The following METTL15 variants were observed in gnomAD, a reference collection of about 807,000 sequenced individuals.
METTL15 encodes the protein 12S rRNA N(4)-cytidine methyltransferase METTL15.
A neutral mutation model predicts 38.3 loss-of-function variants in METTL15; 34 were observed. The observed-to-expected ratio is 0.89, with a 90% CI of 0.68 to 1.18. The LOEUF is 1.18. METTL15 is among the 50% of genes most tolerant of loss of function. The pLI is 0.00. For missense variants in METTL15, 438 were observed against 498.4 expected, an observed-to-expected ratio of 0.88 and a Z score of 1.15; for synonymous variants, 162 against 170.9, an observed-to-expected ratio of 0.95 and a Z score of 0.41.
chr11:28,421,927 T>C (rs761315116), intron 5 of METTL15, among the ~76,000 whole-genome samples: 11 of 151,998 alleles, frequency 7.2e-5, no homozygotes, highest in South Asian at 2.1e-4. Context: ...TATGATCTTA[T>C]ATTTGGAATA....
chr11:28,117,879 C>T (rs1294041792), intron 3 of METTL15, among the ~76,000 whole-genome samples: 4 of 152,124 alleles, frequency 2.6e-5, no homozygotes, highest in African/African-American at 9.7e-5. Flanking sequence ...GAGCCTTTTC[C>T]CCAAAATCAT....
intron 6 of METTL15, among the ~76,000 whole-genome samples, chr11:28,484,765 G>C (rs903419055): frequency 1.3e-5 from 2 of 152,096 alleles, no homozygotes; most frequent in Admixed American, 1.3e-4. Flanking sequence ...GTTTTGAGTA[G>C]AGCTGTGGGA....
chr11:28,134,611 GT>G (rs1849454178), intron 3 of METTL15: 2 of 398,486 alleles, frequency 5.0e-6, no homozygotes, highest in Non-Finnish European at 8.9e-6. Context: ...AGGAGGCGCT[GT>G]TTTGGAAAAG....
At chr11:28,401,204 T>C (rs1214723910) in intron 5 of METTL15, among the ~76,000 whole-genome samples, 1 of 152,008 alleles carries the variant, frequency 6.6e-6, no homozygotes, top group Non-Finnish European at 1.5e-5. Context: ...AATGCCTAAG[T>C]TAGGGAATTG....
At chr11:28,153,345 CCCTTTACTCCAA>C (rs1850157992) in intron 3 of METTL15, among the ~76,000 whole-genome samples, 1 of 152,134 alleles carries the variant, frequency 6.6e-6, no homozygotes, top group Non-Finnish European at 1.5e-5. Context: ...GCCTCTCCAT[CCCTTTACTCCAA>C]TGGGATTCAA....
At chr11:28,427,161 A>C (rs1850872793) in intron 6 of METTL15, among the ~76,000 whole-genome samples, 1 of 152,192 alleles carries the variant, frequency 6.6e-6, no homozygotes, top group Non-Finnish European at 1.5e-5. Context: ...TTGGCCAGCC[A>C]GTTCTCCAAG....
At chr11:28,115,507 C>A (rs1851903096) in intron 3 of METTL15, among the ~76,000 whole-genome samples, 1 of 152,258 alleles carries the variant, frequency 6.6e-6, no homozygotes, top group Middle Eastern at 3.4e-3. Context: ...ATCCACCCAC[C>A]TTGGCCTCCC....
chr11:28,257,070 C>T (rs920068398), intron 4 of METTL15, among the ~76,000 whole-genome samples: 2 of 152,070 alleles, frequency 1.3e-5, no homozygotes, highest in African/African-American at 2.4e-5. Flanking sequence ...CATTTCTTGT[C>T]GGATGGGTCT....
chr11:28,251,904 C>T (rs916322248), intron 4 of METTL15, among the ~76,000 whole-genome samples: 3 of 152,074 alleles, frequency 2.0e-5, no homozygotes, highest in Non-Finnish European at 2.9e-5. Context: ...CCTTAACTTC[C>T]TTCCTTTTTC....
At chr11:28,404,679 T>G (rs1850659398) in intron 5 of METTL15, among the ~76,000 whole-genome samples, 3 of 151,978 alleles carry the variant, frequency 2.0e-5, no homozygotes, top group African/African-American at 7.3e-5. Flanking sequence ...AAGCTTAGTA[T>G]CCCCAGGTTA....
intron 3 of METTL15, among the ~76,000 whole-genome samples, chr11:28,182,109 G>GT (rs1851313246): frequency 6.6e-6 from 1 of 151,884 alleles, no homozygotes; most frequent in Non-Finnish European, 1.5e-5. Flanking sequence ...GGGGTTGTTT[G>GT]TTTTTTTCTT....
At chr11:28,293,359 T>C (rs1436539444) in intron 5 of METTL15, among the ~76,000 whole-genome samples, 1 of 152,184 alleles carries the variant, frequency 6.6e-6, no homozygotes, top group Non-Finnish European at 1.5e-5. Context: ...AAAGATCAGA[T>C]AGTTGTAGAT....
intron 3 of METTL15, among the ~76,000 whole-genome samples, chr11:28,174,046 C>A (rs2133768084): frequency 6.6e-6 from 1 of 152,164 alleles, no homozygotes; most frequent in Non-Finnish European, 1.5e-5. Flanking sequence ...CTCATTTTTT[C>A]CTTTTGCCAT....
chr11:28,323,241 G>A (rs2134050588), intron 6 of METTL15, among the ~76,000 whole-genome samples: 1 of 151,686 alleles, frequency 6.6e-6, no homozygotes, highest in South Asian at 2.1e-4. Context: ...TAACTTGGAA[G>A]TACAAATGTA....
chr11:28,232,508 A>G (rs570477102), intron 4 of METTL15, among the ~76,000 whole-genome samples: 1 of 151,760 alleles, frequency 6.6e-6, no homozygotes, highest in Non-Finnish European at 1.5e-5. Context: ...AGTATACTAT[A>G]TAATAGTAAG....
intron 5 of METTL15, among the ~76,000 whole-genome samples, chr11:28,408,159 CA>C (rs1850690555): frequency 6.6e-6 from 1 of 151,856 alleles, no homozygotes; most frequent in African/African-American, 2.4e-5. Context: ...CCTGTTGGTT[CA>C]GGGGGTGGGG....
chr11:28,401,565 G>C (rs1046708756), intron 5 of METTL15, among the ~76,000 whole-genome samples: 1 of 151,752 alleles, frequency 6.6e-6, no homozygotes, highest in African/African-American at 2.4e-5. Context: ...TCTTTTCGAT[G>C]AGGATTGTAA....
At chr11:28,268,891 A>G (rs953415663) in intron 4 of METTL15, among the ~76,000 whole-genome samples, 2 of 152,180 alleles carry the variant, frequency 1.3e-5, no homozygotes, top group African/African-American at 4.8e-5. Flanking sequence ...TGGATAACTC[A>G]GTTGTATACT....
intron 5 of METTL15, among the ~76,000 whole-genome samples, chr11:28,293,029 T>G (rs946382857): frequency 1.3e-5 from 2 of 152,176 alleles, no homozygotes; most frequent in African/African-American, 4.8e-5. Context: ...GATGGTAGTT[T>G]CTTTTGCTGT....
Sources: allele counts gnomAD v4.1 joint callset (sites outside exome capture counted in the v4.1 genomes callset), GRCh38; gene constraint gnomAD v4.1.1; transcripts MANE v1.5; gene names NCBI Gene and HGNC (gene_info 2026-07-23, HGNC 2026-07-21).